Variants in ING5 observed in about 807,000 individuals in gnomAD.
The protein encoded by ING5 is inhibitor of growth protein 5.
ING5 carries 17 observed loss-of-function variants against 37.4 expected under a neutral mutation model. That is an observed-to-expected ratio of 0.45 (90% CI 0.31 to 0.68). The LOEUF (loss-of-function observed/expected upper bound fraction) is 0.68, where lower values mean the gene tolerates loss of function less well. Ranked by LOEUF, ING5 falls within the 30% of genes least tolerant of loss-of-function variation. The pLI is 0.05. For missense variants in ING5, 233 were observed against 311.9 expected (o/e 0.75, Z 1.91); for synonymous variants, 123 against 116.6 (o/e 1.06, Z -0.36).
rs912229236 is a variant in ING5 at position 241,726,904 on chromosome 2, C to T, written c.*1873C>T. On this transcript the variant is annotated 3_prime_UTR_variant, in exon 8 of 8. Coordinates refer to ENST00000313552, the MANE Select transcript of ING5 (RefSeq NM_032329.6). ...CCGCCTCCCGGGTTCACGCCATTCTCCTGCCTCAGCCCCCCCGAGTAGCTG... is the reference window on the plus strand; with the variant it reads ...CCGCCTCCCGGGTTCACGCCATTCTTCTGCCTCAGCCCCCCCGAGTAGCTG... The T allele has an allele frequency of 6.6e-6, 1 of 152,224 alleles. No individual in the cohort carries two copies. Among genetic ancestry groups the T allele is most frequent in the Non-Finnish European group, 1.5e-5 (1 of 68,108 alleles). 9.4% of individuals were successfully genotyped at this position (152,224 alleles called of 1,614,324 possible).
chr2:241,715,829 T>C (rs185997755), intron 5 of ING5, among the ~76,000 whole-genome samples: 97 of 151,068 alleles, frequency 6.4e-4, no homozygotes, highest in Non-Finnish European at 8.3e-4. Context: ...CTATAACTTA[T>C]GTAGAAGTAT....
chr2:241,709,388 G>A lies in ING5; in HGVS notation c.276+6G>A. 1 of 1,610,270 alleles carries A rather than the reference G, an allele frequency of 6.2e-7. No individual in the cohort carries two copies. The highest frequency in any genetic ancestry group is 2.2e-5 in the East Asian group (1 of 44,792). ...CCATGCAGACCTACGAGATGGTGAG[G>A]GCGGGGCGGGGGCCATGGCTCTTCC... On this transcript the variant is annotated splice_donor_region_variant and intron_variant, in intron 3 of 7. Coordinates refer to ENST00000313552, the MANE Select transcript of ING5 (RefSeq NM_032329.6).
At position 241,712,026 on chromosome 2, in the gene ING5, G is replaced by A; in HGVS notation, c.437G>A (p.Arg146Lys). The A allele has an allele frequency of 6.2e-7, 1 of 1,612,792 alleles. No homozygotes were observed. Among genetic ancestry groups the A allele is most frequent in the Non-Finnish European group, 8.5e-7 (1 of 1,179,428 alleles). The change falls in exon 5 of 8, where the codon AGG becomes AAG. Residue 146 changes from arginine (R) to lysine (K), a missense_variant. Arg to Lys is a conservative substitution (Grantham distance 26, BLOSUM62 2). This residue lies in a region of ING5 where 76 missense variants were observed against 68.2 expected (regional missense o/e 1.11). Coordinates refer to ENST00000313552, the MANE Select transcript of ING5 (RefSeq NM_032329.6). ...AGAGGGTCCCGGGGCCGAGGCAGGA[G>A]GACATCAGAGGAAGACACACCAAAG... is the stretch of plus-strand genomic sequence containing the variant. ...EKRGSRGRGR[R>K]TSEEDTPKKK...
intron 2 of ING5, among the ~76,000 whole-genome samples, chr2:241,691,457 CAAAA>C (rs202107841): frequency 0.073 from 11,076 of 151,054 alleles, 972 homozygotes; most frequent in African/African-American, 0.21. Flanking sequence ...AAAACAAAAA[CAAAA>C]AAACTGAAGG....
chr2:241,720,350 G>A, intron 5 of ING5: 2 of 1,205,218 alleles, frequency 1.7e-6, no homozygotes, highest in Non-Finnish European at 2.1e-6. Context: ...CCCTGCTGGG[G>A]ACCCAGGCGC....
At chr2:241,723,673 C>A in intron 7 of ING5, 2 of 1,268,370 alleles carry the variant, frequency 1.6e-6, no homozygotes, top group Non-Finnish European at 2.3e-6. Context: ...AGCCCTGAAG[C>A]CGGGGCATGG....
intron 5 of ING5, chr2:241,722,067 GAGTC>G: frequency 1.0e-6 from 1 of 985,428 alleles, no homozygotes; most frequent in Non-Finnish European, 1.2e-6. Flanking sequence ...GCTGCTGGTT[GAGTC>G]AGTATTGGGG....
Position 241,705,394 on chromosome 2 carries a change from C to CTTTTTTTTTTTTT in ING5, c.109+679_109+691dup, listed in dbSNP as rs774566608. ...CGCCTGGCCCTAACTCTGTTTTTTT[C>CTTTTTTTTTTTTT]TTTTTTTTTTTTTTTTTTTTTGAGA... On this transcript the variant is annotated intron_variant, in intron 2 of 7. Transcript: ENST00000313552. Among the ~76,000 whole-genome samples, 150 of 117,238 alleles carry CTTTTTTTTTTTTT rather than the reference C, an allele frequency of 1.3e-3. 2 individuals are homozygous for CTTTTTTTTTTTTT. Among genetic ancestry groups the CTTTTTTTTTTTTT allele is most frequent in the East Asian group, 2.0e-3 (6 of 3,070 alleles). 76.9% of individuals were successfully genotyped at this position (117,238 alleles called of 152,430 possible). A position where few individuals can be genotyped will look rare whatever the true frequency, so the allele number is the denominator to read the frequency against.
intron 5 of ING5, among the ~76,000 whole-genome samples, chr2:241,718,167 C>T (rs1208049293): frequency 6.6e-6 from 1 of 152,132 alleles, no homozygotes. Flanking sequence ...TGAGCGTCAC[C>T]ACACCCGGCT....
chr2:241,723,949 T>G (rs1315986472), intron 7 of ING5: 2 of 1,265,564 alleles, frequency 1.6e-6, no homozygotes, highest in Non-Finnish European at 2.2e-6. Context: ...GTCCGAGGCT[T>G]CAGTGAGCTG....
chr2:241,709,412 C>A, intron 3 of ING5, 30 bp downstream of exon 3: 1 of 1,588,702 alleles, frequency 6.3e-7, no homozygotes, highest in Non-Finnish European at 8.6e-7. Context: ...CATGGCTCTT[C>A]CTCTGACCTC....
upstream of ING5, among the ~76,000 whole-genome samples, chr2:241,698,158 T>C (rs1234882031): frequency 1.0e-4 from 9 of 89,048 alleles, no homozygotes; most frequent in African/African-American, 4.2e-4. Flanking sequence ...AATAATAATG[T>C]ATCGGGCCCG....
At chr2:241,720,426 C>G in intron 5 of ING5, 1 of 1,096,090 alleles carries the variant, frequency 9.1e-7, no homozygotes, top group Non-Finnish European at 1.1e-6. Context: ...GGGGCTCTTC[C>G]TGGAATGCAG....
chr2:241,720,219 C>T, intron 5 of ING5: 2 of 1,231,884 alleles, frequency 1.6e-6, no homozygotes, highest in Non-Finnish European at 1.0e-6. Flanking sequence ...CAGGAGCCCG[C>T]CTGCCCCTGG....
chr2:241,707,373 C>T (rs2069952793), intron 2 of ING5, among the ~76,000 whole-genome samples: 1 of 151,950 alleles, frequency 6.6e-6, no homozygotes, highest in African/African-American at 2.4e-5. Context: ...TCACCGCAAC[C>T]TCCGCCTCCC....
At chr2:241,698,260 C>T (rs1033054817), upstream of ING5, among the ~76,000 whole-genome samples, 3 of 151,906 alleles carry the variant, frequency 2.0e-5, no homozygotes, top group Admixed American at 6.6e-5. Context: ...CTGGCTAACA[C>T]GGTGAAACCC....
chr2:241,687,654 A>G (rs2124841730), exon 1 of ING5: 1 of 260,436 alleles, frequency 3.8e-6, no homozygotes, highest in South Asian at 1.7e-4. Flanking sequence ...CAGCCTCCCG[A>G]GTAGCTGGGA....
chr2:241,722,127 A>G (rs2070450032), intron 5 of ING5: 1 of 985,380 alleles, frequency 1.0e-6, no homozygotes, highest in Non-Finnish European at 1.2e-6. Context: ...CGCAGGACGC[A>G]TGGCTGTTCT....
At chr2:241,688,690 C>A in intron 1 of ING5, among the ~76,000 whole-genome samples, 1 of 152,182 alleles carries the variant, frequency 6.6e-6, no homozygotes, top group East Asian at 1.9e-4. Context: ...GTGGCGCGAT[C>A]TCAGCTCACT....
Sources: allele counts gnomAD v4.1 joint callset (sites outside exome capture counted in the v4.1 genomes callset), GRCh38; gene constraint gnomAD v4.1.1; regional missense constraint gnomAD v4.1.1; transcripts MANE v1.5; gene names NCBI Gene and HGNC (gene_info 2026-07-23, HGNC 2026-07-21).